Variants in GLYATL1 observed in about 807,000 individuals in gnomAD.
The protein encoded by GLYATL1 is glycine N-acyltransferase-like protein 1.
GLYATL1 carries 15 observed loss-of-function variants against 20.0 expected under a neutral mutation model. That is an observed-to-expected ratio of 0.75 (90% CI 0.50 to 1.15). The LOEUF (loss-of-function observed/expected upper bound fraction) is 1.15, where lower values mean the gene tolerates loss of function less well. Ranked by LOEUF, GLYATL1 falls within the 50% of genes most tolerant of loss-of-function variation. GLYATL1 has a pLI of 0.00. For missense variants in GLYATL1, 380 were observed against 368.5 expected (o/e 1.03, Z -0.26); for synonymous variants, 151 against 131.5 (o/e 1.15, Z -1.01).
upstream of GLYATL1, among the ~76,000 whole-genome samples, chr11:58,924,084 A>T (rs1402866551): frequency 6.6e-6 from 1 of 152,144 alleles, no homozygotes; most frequent in African/African-American, 2.4e-5. Flanking sequence ...AGTCCTGCTG[A>T]GTGTCCGACC....
chr11:58,951,226 G>T (rs1364117209), intron 4 of GLYATL1, among the ~76,000 whole-genome samples: 2 of 151,934 alleles, frequency 1.3e-5, no homozygotes, highest in Non-Finnish European at 2.9e-5. Flanking sequence ...ATATATTTTT[G>T]AATAGCATGA....
In GLYATL1 at chr11:58,955,299, A is replaced by C; in HGVS notation, c.437A>C (p.Lys146Thr). 6.2e-7 allele frequency: 1 copy of C among 1,614,194 alleles called. No homozygotes were observed. The highest frequency in any genetic ancestry group is 8.5e-7 in the Non-Finnish European group (1 of 1,180,022). The change falls in exon 6 of 7, where the codon AAA (lysine) becomes ACA (threonine). Residue 146 changes from lysine (K) to threonine (T), a missense_variant. Lys to Thr is a moderately conservative substitution (Grantham distance 78, BLOSUM62 -1). Transcript: ENST00000532726. ...ATTCTGAAGCTCAATGCCTCCAGTAAAAGCAAGCTTGGAAGCTGGGCTGAG... is the reference window on the plus strand; with the variant it reads ...ATTCTGAAGCTCAATGCCTCCAGTACAAGCAAGCTTGGAAGCTGGGCTGAG... The part of the protein sequence containing the change: ...EDILKLNASS[K>T]SKLGSWAETG...
At chr11:58,912,754 A>G (rs544211777), downstream of GLYATL1, among the ~76,000 whole-genome samples, 10 of 152,304 alleles carry the variant, frequency 6.6e-5, no homozygotes, top group South Asian at 2.1e-3. Context: ...CTGGCCCCTC[A>G]GTCAGCAAAC....
chr11:58,907,610 A>G (rs772482074), exon 2 of GLYATL1: 1 of 322,708 alleles, frequency 3.1e-6, no homozygotes, highest in East Asian at 7.6e-5. Flanking sequence ...TCACTTCTGG[A>G]TCTGTCTCTA....
At chr11:58,929,974 T>C (rs951919187) in intron 1 of GLYATL1, among the ~76,000 whole-genome samples, 17 of 152,246 alleles carry the variant, frequency 1.1e-4, no homozygotes, top group African/African-American at 3.1e-4. Context: ...CTTCTTTGAC[T>C]AATGCTCAAT....
chr11:58,947,291 T>C (rs894995779), intron 3 of GLYATL1, 126 bp downstream of exon 3: 3 of 1,305,664 alleles, frequency 2.3e-6, no homozygotes, highest in Admixed American at 2.8e-5. Flanking sequence ...AGGATGGGAC[T>C]GGGGGCACAG....
At chr11:58,912,036 T>C (rs943239006), downstream of GLYATL1, among the ~76,000 whole-genome samples, 2 of 152,254 alleles carry the variant, frequency 1.3e-5, no homozygotes, top group Non-Finnish European at 2.9e-5. Flanking sequence ...AATTGTGTGT[T>C]CATTGTGTAA....
At chr11:58,934,405 T>C (rs1406396927) in intron 1 of GLYATL1, 1 of 151,340 alleles carries the variant, frequency 6.6e-6, no homozygotes, top group Non-Finnish European at 1.5e-5. Flanking sequence ...CCTAGGGCTG[T>C]GGTGAGATGG....
chr11:58,955,845 A>G lies in GLYATL1; in HGVS notation c.727A>G (p.Asn243Asp). 1 of 1,614,224 alleles carries G rather than the reference A, an allele frequency of 6.2e-7. No individual in the cohort carries two copies. The highest frequency in any genetic ancestry group is 8.5e-7 in the Non-Finnish European group (1 of 1,180,044). The change falls in exon 7 of 7, where the codon AAC becomes GAC. Residue 243 changes from asparagine (N) to aspartate (D), a missense_variant. By Grantham distance (23) the Asn-to-Asp change is conservative (BLOSUM62 1). Coordinates refer to ENST00000532726, the MANE Select transcript of GLYATL1 (RefSeq NM_001389712.2). ...CATGGAAAAATACCGAAGGACAGGC[A>G]ACATGGCACGAGTGATGGTGCGATA... Reference protein sequence around the residue: ...YSMEKYRRTGNMARVMVRYMK... With the variant: ...YSMEKYRRTGDMARVMVRYMK...
chr11:58,914,921 G>T (rs561164282), intron 1 of GLYATL1, among the ~76,000 whole-genome samples: 1 of 152,298 alleles, frequency 6.6e-6, no homozygotes, highest in South Asian at 2.1e-4. Context: ...CACTGTGGGA[G>T]TGCAGTGGAT....
Position 58,943,428 on chromosome 11 carries a change from C to A in GLYATL1, c.-166-115C>A, listed in dbSNP as rs1047080153. ...ATAAATTCATTTTGACCACGAGGCA[C>A]CCCCGGAGCCTCGGTGAATCTGCTG... On this transcript the variant is annotated intron_variant, in intron 1 of 6. Transcript: ENST00000532726. 2.6e-6 allele frequency: 4 copies of A among 1,526,342 alleles called. No homozygotes were observed. The African/African-American group carries it at 4.2e-5, about 16-fold the overall frequency. The allele number at this position is 1,526,342 out of a possible 1,614,324, so 94.5% of individuals were successfully genotyped here.
Position 58,955,832 on chromosome 11 carries a change from C to G in GLYATL1, c.714C>G (p.Tyr238Ter). 6.2e-7 allele frequency: 1 copy of G among 1,614,170 alleles called. No individual in the cohort carries two copies. The highest frequency in any genetic ancestry group is 8.5e-7 in the Non-Finnish European group (1 of 1,180,030). Residue 238 changes from tyrosine to a stop codon, truncating the protein, a stop_gained, in exon 7 of 7, where the codon TAC (tyrosine) becomes TAG (stop). Coordinates refer to ENST00000532726, the MANE Select transcript of GLYATL1 (RefSeq NM_001389712.2). LOFTEE classifies it low-confidence loss of function (END_TRUNC). ...EVGMAYSMEK[Y>*]RRTGNMARVM... is the part of the protein sequence containing the mutation. ...GAATGGCCTACAGCATGGAAAAATA[C>G]CGAAGGACAGGCAACATGGCACGAG...
chr11:58,915,467 C>CGAGGGGAAGGTAGTTGGGGGCCATT (rs1855149560), intron 1 of GLYATL1, among the ~76,000 whole-genome samples: 2 of 152,114 alleles, frequency 1.3e-5, no homozygotes, highest in African/African-American at 4.8e-5. Flanking sequence ...TGGGGGCCAT[C>CGAGGGGAAGGTAGTTGGGGGCCATT]AAGGGAAGGT....
chr11:58,951,616 A>G (rs1308215622), intron 4 of GLYATL1, among the ~76,000 whole-genome samples: 1 of 152,072 alleles, frequency 6.6e-6, no homozygotes, highest in African/African-American at 2.4e-5. Context: ...TATTTTTGTG[A>G]CACTAAATTT....
chr11:58,947,075 A>C lies in GLYATL1; in HGVS notation c.-13A>C. The C allele has an allele frequency of 1.2e-6, 2 of 1,613,864 alleles. No individual in the cohort carries two copies. Among genetic ancestry groups the C allele is most frequent in the Non-Finnish European group, 1.7e-6 (2 of 1,179,758 alleles). On this transcript the variant is annotated 5_prime_UTR_variant, in exon 3 of 7. Coordinates refer to ENST00000532726, the MANE Select transcript of GLYATL1 (RefSeq NM_001389712.2). ...TCTTCTTCAAGGTCTCAAGGTCTGA[A>C]GCATCCCACAGAATGATCCTACTGA...
At chr11:58,930,327 T>A (rs1169081725) in intron 1 of GLYATL1, among the ~76,000 whole-genome samples, 4 of 152,106 alleles carry the variant, frequency 2.6e-5, no homozygotes, top group Non-Finnish European at 5.9e-5. Context: ...AATACAGGAG[T>A]GCTCACAATT....
intron 1 of GLYATL1, among the ~76,000 whole-genome samples, chr11:58,929,506 T>G (rs1348600448): frequency 6.6e-6 from 1 of 152,232 alleles, no homozygotes; most frequent in Non-Finnish European, 1.5e-5. Flanking sequence ...TTTCTTTTTT[T>G]GTAATGTTTC....
At chr11:58,943,260 A>T in intron 1 of GLYATL1, 2 of 1,526,786 alleles carry the variant, frequency 1.3e-6, no homozygotes, top group Non-Finnish European at 1.8e-6. Flanking sequence ...GTGTTGGCCA[A>T]TCCCAGCAGC....
downstream of GLYATL1, among the ~76,000 whole-genome samples, chr11:58,913,021 T>C (rs895391743): frequency 6.6e-6 from 1 of 152,090 alleles, no homozygotes; most frequent in Admixed American, 6.5e-5. Flanking sequence ...CCATACAGAA[T>C]GGTGAGTACA....
Sources: allele counts gnomAD v4.1 joint callset (sites outside exome capture counted in the v4.1 genomes callset), GRCh38; gene constraint gnomAD v4.1.1; transcripts MANE v1.5; gene names NCBI Gene and HGNC (gene_info 2026-07-23, HGNC 2026-07-21).